The following ALG10B variants were observed in gnomAD, a reference collection of about 807,000 sequenced individuals.
ALG10B encodes dol-P-Glc:Glc(2)Man(9)GlcNAc(2)-PP-Dol alpha-1,2-glucosyltransferase B.
Under a neutral mutation model 38.7 loss-of-function variants are expected in ALG10B, and 27 were observed. The ratio of observed to expected loss-of-function variants is 0.70; its 90% CI spans 0.51 to 0.96. ALG10B has a LOEUF of 0.96. Among genes scored for constraint, ALG10B ranks in the 40% least tolerant of loss-of-function variants. The pLI, the probability that ALG10B is intolerant of heterozygous loss-of-function variation, is 0.00. For synonymous variants in ALG10B, 177 were observed against 193.3 expected, an observed-to-expected ratio of 0.92 and a Z score of 0.70; for missense variants, 522 against 542.7, an observed-to-expected ratio of 0.96 and a Z score of 0.38.
In ALG10B at chr12:38,320,159, A is replaced by G; in HGVS notation, c.370-2A>G. On this transcript the variant is annotated splice_acceptor_variant, in intron 2 of 2. Transcript: ENST00000308742. LOFTEE classifies it high-confidence loss of function. ...TGTATCTGTGTTTTTTCTTCCTCCA[A>G]GGCTGCCTCAAGTATCCAGAGAGTC... The G allele has an allele frequency of 6.2e-7, 1 of 1,613,930 alleles. No individual in the cohort carries two copies. The highest frequency in any genetic ancestry group is 2.2e-5 in the East Asian group (1 of 44,860).
Position 38,324,166 on chromosome 12 carries a change from G to A in ALG10B, c.*2953G>A. 2.2e-6 allele frequency: 1 copy of A among 454,712 alleles called. No individual in the cohort carries two copies. 28.2% of individuals were successfully genotyped at this position (454,712 alleles called of 1,614,324 possible). ...TCCTGCCTCAGCCTCCCGAGTAGCTGAGATTATAGGCGCCCACCACCAAGC... is the reference window on the plus strand; with the variant it reads ...TCCTGCCTCAGCCTCCCGAGTAGCTAAGATTATAGGCGCCCACCACCAAGC... On this transcript the variant is annotated 3_prime_UTR_variant, in exon 3 of 3. Transcript: ENST00000308742.
rs2120515314 is a variant in ALG10B at position 38,325,904 on chromosome 12, C to G, written c.*4691C>G. The G allele has an allele frequency of 6.6e-6, 1 of 152,158 alleles. No individual in the cohort carries two copies. The highest frequency in any genetic ancestry group is 1.9e-4 in the East Asian group (1 of 5,180). The allele number at this position is 152,158 out of a possible 1,614,324, so 9.4% of individuals were successfully genotyped here. On this transcript the variant is annotated 3_prime_UTR_variant, in exon 3 of 3. Coordinates refer to ENST00000308742, the MANE Select transcript of ALG10B (RefSeq NM_001013620.4). ...ATGATAAATATTGAGTAAATATATA[C>G]TGAATGAAGTTTTTAGTATAGAGTG...
rs879004334 is a variant in ALG10B at position 38,316,842 on chromosome 12, G to C, written c.-52G>C. On this transcript the variant is annotated 5_prime_UTR_variant, in exon 1 of 3. Transcript: ENST00000308742. Reference sequence around the variant, plus strand: ...CCCAAGTTTCCAGCTCGGGTTTCCGGGCTCAGAATTTTCCAGGAGTGGGTT... The same window carrying C: ...CCCAAGTTTCCAGCTCGGGTTTCCGCGCTCAGAATTTTCCAGGAGTGGGTT... 7.4e-5 allele frequency: 119 copies of C among 1,613,620 alleles called. 1 individual carries two copies. The South Asian group carries it at 7.5e-4, about 10-fold the overall frequency.
At position 38,329,122 on chromosome 12, in the gene ALG10B, G is replaced by C. The variant is rs1034133038; in HGVS notation, c.*7909G>C. 2.5e-6 allele frequency: 1 copy of C among 397,984 alleles called. No homozygotes were observed. 24.7% of individuals were successfully genotyped at this position (397,984 alleles called of 1,614,324 possible). On this transcript the variant is annotated 3_prime_UTR_variant, in exon 3 of 3. Transcript: ENST00000308742. The stretch of plus-strand genomic sequence containing the variant: ...ATTTTAGAAGGAAAAATTGTCGCAA[G>C]TAATGTGATTATACTTCCTAGTTTT...
chr12:38,318,281 A>T lies in ALG10B; in HGVS notation c.192A>T (p.Thr64=). ...TAAAGTGGGATCCCATGATTACTAC[A>T]TTACCTGGCTTGTACCTGGTGTCAG... The part of the protein sequence containing the change: ...SLSQWDPMIT[T]LPGLYLVSVG... Residue 64 remains threonine, a synonymous_variant, in exon 2 of 3, where the codon ACA becomes ACT. Coordinates refer to ENST00000308742, the MANE Select transcript of ALG10B (RefSeq NM_001013620.4). 1 of 1,614,044 alleles carries T rather than the reference A, an allele frequency of 6.2e-7. No homozygotes were observed. The highest frequency in any genetic ancestry group is 1.3e-5 in the African/African-American group (1 of 75,024).
chr12:38,329,464 A>T lies in ALG10B; in HGVS notation c.*8251A>T. ...AAGCAAATTGTTGGTTTAACAGGACATACTTTAGATATTTGAAAAATTCTC... is the reference window on the plus strand; with the variant it reads ...AAGCAAATTGTTGGTTTAACAGGACTTACTTTAGATATTTGAAAAATTCTC... On this transcript the variant is annotated 3_prime_UTR_variant, in exon 3 of 3. Coordinates refer to ENST00000308742, the MANE Select transcript of ALG10B (RefSeq NM_001013620.4). 2.9e-6 allele frequency: 1 copy of T among 343,014 alleles called. No individual in the cohort carries two copies. The highest frequency in any genetic ancestry group is 5.1e-6 in the Non-Finnish European group (1 of 197,610). 21.2% of individuals were successfully genotyped at this position (343,014 alleles called of 1,614,324 possible). A position where few individuals can be genotyped will look rare whatever the true frequency, so the allele number is the denominator to read the frequency against.
chr12:38,318,133 A>T (rs1945672151), intron 1 of ALG10B, 128 bp from the exon 2 acceptor site: 2 of 1,235,698 alleles, frequency 1.6e-6, no homozygotes, highest in Admixed American at 1.7e-5. Context: ...GGACTTACTT[A>T]ATCTTGTCAT....
chr12:38,323,004 T>G lies in ALG10B; in HGVS notation c.*1791T>G, dbSNP rs1945715851. 6.6e-6 allele frequency: 1 copy of G among 152,160 alleles called. No individual in the cohort carries two copies. The highest frequency in any genetic ancestry group is 2.4e-5 in the African/African-American group (1 of 41,434). 9.4% of individuals were successfully genotyped at this position (152,160 alleles called of 1,614,324 possible). On this transcript the variant is annotated 3_prime_UTR_variant, in exon 3 of 3. Transcript: ENST00000308742. ...TATATGCCACATTTTCTTTATCCAT[T>G]CATCCATGGATGGACACTTAGGTTG... is the stretch of plus-strand genomic sequence containing the variant.
chr12:38,325,149 G>A lies in ALG10B; in HGVS notation c.*3936G>A, dbSNP rs1448167961. On this transcript the variant is annotated 3_prime_UTR_variant, in exon 3 of 3. Transcript: ENST00000308742. ...GATAGTCAGGAATCTTTTGAACTGCGTCTATGTATTTAAATGATTTGGAAA... is the reference window on the plus strand; with the variant it reads ...GATAGTCAGGAATCTTTTGAACTGCATCTATGTATTTAAATGATTTGGAAA... 3 of 152,076 alleles carry A rather than the reference G, an allele frequency of 2.0e-5. No individual in the cohort carries two copies. Among genetic ancestry groups the A allele is most frequent in the East Asian group, 1.9e-4 (1 of 5,198 alleles). The allele number at this position is 152,076 out of a possible 1,614,324, so 9.4% of individuals were successfully genotyped here. A position where few individuals can be genotyped will look rare whatever the true frequency, so the allele number is the denominator to read the frequency against.
chr12:38,320,686 C>G lies in ALG10B; in HGVS notation c.895C>G (p.Leu299Val), dbSNP rs764755710. Reference sequence around the variant, plus strand: ...ACTATTCTACTTTTTTTCATTTACTCTCTTTTTTTCTTTTCCTCATCTCCT... The same window carrying G: ...ACTATTCTACTTTTTTTCATTTACTGTCTTTTTTTCTTTTCCTCATCTCCT... Reference protein sequence around the residue: ...PQLFYFFSFTLFFSFPHLLSP... With the variant: ...PQLFYFFSFTVFFSFPHLLSP... The change falls in exon 3 of 3, where the codon CTC becomes GTC. Residue 299 changes from leucine (L) to valine (V), a missense_variant. Transcript: ENST00000308742. The G allele has an allele frequency of 6.2e-7, 1 of 1,613,626 alleles. No individual in the cohort carries two copies. Among genetic ancestry groups the G allele is most frequent in the Non-Finnish European group, 8.5e-7 (1 of 1,179,938 alleles).
chr12:38,318,645 G>C (rs1426547031), intron 2 of ALG10B, among the ~76,000 whole-genome samples, 187 bp downstream of exon 2: 1 of 152,144 alleles, frequency 6.6e-6, no homozygotes, highest in African/African-American at 2.4e-5. Context: ...TTAAATACTT[G>C]AATAACTTAT....
chr12:38,322,730 A>T lies in ALG10B; in HGVS notation c.*1517A>T, dbSNP rs1212674523. On this transcript the variant is annotated 3_prime_UTR_variant, in exon 3 of 3. Transcript: ENST00000308742. ...AAGTCAAACATATTCCTTCTATCTA[A>T]TTGAGGCTTTGTATCTTTTGATTGT... The T allele has an allele frequency of 6.6e-6, 1 of 152,132 alleles. No individual in the cohort carries two copies. Among genetic ancestry groups the T allele is most frequent in the Non-Finnish European group, 1.5e-5 (1 of 68,008 alleles). 9.4% of individuals were successfully genotyped at this position (152,132 alleles called of 1,614,324 possible).
chr12:38,320,932 G>T lies in ALG10B; in HGVS notation c.1141G>T (p.Gly381Cys), dbSNP rs768119321. 7 of 1,613,606 alleles carry T rather than the reference G, an allele frequency of 4.3e-6. No homozygotes were observed. Among genetic ancestry groups the T allele is most frequent in the Non-Finnish European group, 5.9e-6 (7 of 1,179,876 alleles). ...YLLVPAYIFA[G>C]WSIADSLKSK... The stretch of plus-strand genomic sequence containing the variant: ...GTTAGTTCCAGCCTATATATTTGCT[G>T]GTTGGAGTATAGCTGACTCATTGAA... Residue 381 changes from glycine to cysteine, a missense_variant, in exon 3 of 3, where the codon GGT becomes TGT. Coordinates refer to ENST00000308742, the MANE Select transcript of ALG10B (RefSeq NM_001013620.4).
intron 2 of ALG10B, among the ~76,000 whole-genome samples, chr12:38,319,942 A>G (rs1346898275): frequency 1.3e-5 from 2 of 152,326 alleles, no homozygotes; most frequent in South Asian, 4.1e-4. Flanking sequence ...TGGCATACAC[A>G]CGGTCTCCAA....
rs1313065503 is a variant in ALG10B at position 38,317,007 on chromosome 12, G to T, written c.114G>T (p.Glu38Asp). The T allele has an allele frequency of 3.7e-6, 6 of 1,614,086 alleles. No individual in the cohort carries two copies. Among genetic ancestry groups the T allele is most frequent in the Non-Finnish European group, 5.1e-6 (6 of 1,180,010 alleles). The change falls in exon 1 of 3, where the codon GAG becomes GAT. Residue 38 changes from glutamate to aspartate, a missense_variant. Glu to Asp is a conservative substitution (Grantham distance 45, BLOSUM62 2). Coordinates refer to ENST00000308742, the MANE Select transcript of ALG10B (RefSeq NM_001013620.4). Reference sequence around the variant, plus strand: ...CGCTGCGAGAGCCCTACATGGACGAGATCTTCCACCTGCCTCAGGCGCAGC... The same window carrying T: ...CGCTGCGAGAGCCCTACATGGACGATATCTTCCACCTGCCTCAGGCGCAGC... ...SRALREPYMDEIFHLPQAQRY... is the reference protein window; with the variant it reads ...SRALREPYMDDIFHLPQAQRY...
rs1945689198 is a variant in ALG10B, at chr12:38,320,235, C to T, written c.444C>T (p.Phe148=). The part of the protein sequence containing the change: ...AVFPTLYFFN[F]LYYTEAGSMF... ...TTCCAACACTTTATTTTTTTAACTTCCTTTATTATACAGAAGCAGGATCTA... is the reference window on the plus strand; with the variant it reads ...TTCCAACACTTTATTTTTTTAACTTTCTTTATTATACAGAAGCAGGATCTA... Residue 148 remains phenylalanine (F), a synonymous_variant, in exon 3 of 3, where the codon TTC becomes TTT. Coordinates refer to ENST00000308742, the MANE Select transcript of ALG10B (RefSeq NM_001013620.4). The T allele has an allele frequency of 6.2e-7, 1 of 1,613,886 alleles. No individual in the cohort carries two copies. The highest frequency in any genetic ancestry group is 1.3e-5 in the African/African-American group (1 of 75,002).
In ALG10B at chr12:38,316,937, G is replaced by T. The variant is rs1161940464; in HGVS notation, c.44G>T (p.Cys15Phe). 10 of 1,614,200 alleles carry T rather than the reference G, an allele frequency of 6.2e-6. No individual in the cohort carries two copies. The highest frequency in any genetic ancestry group is 8.5e-6 in the Non-Finnish European group (10 of 1,180,044). The change falls in exon 1 of 3, where the codon TGT becomes TTT. Residue 15 changes from cysteine (C) to phenylalanine (F), a missense_variant. Transcript: ENST00000308742. ...EGYCFSAALSCTFLVSCLLFS... is the reference protein window; with the variant it reads ...EGYCFSAALSFTFLVSCLLFS... ...TACTGTTTCTCGGCCGCCTTGAGCT[G>T]TACCTTTTTAGTGTCCTGCCTCCTC...
Position 38,321,048 on chromosome 12 carries a change from T to C in ALG10B, c.1257T>C (p.Ile419=). ...PQKLLEFRYF[I]LPYVIYRLNI... is the part of the protein sequence containing the mutation. ...AACTGCTGGAATTTCGTTACTTCAT[T>C]TTACCTTATGTCATTTATAGGCTTA... is the stretch of plus-strand genomic sequence containing the variant. Residue 419 remains isoleucine, a synonymous_variant, in exon 3 of 3, where the codon ATT becomes ATC. Coordinates refer to ENST00000308742, the MANE Select transcript of ALG10B (RefSeq NM_001013620.4). 2 of 1,613,676 alleles carry C rather than the reference T, an allele frequency of 1.2e-6. No individual in the cohort carries two copies. The highest frequency in any genetic ancestry group is 8.5e-7 in the Non-Finnish European group (1 of 1,179,782).
intron 2 of ALG10B, 142 bp from the exon 3 acceptor site, chr12:38,320,019 C>T: frequency 9.0e-7 from 1 of 1,106,528 alleles, no homozygotes; most frequent in Non-Finnish European, 1.3e-6. Flanking sequence ...TTTTGCAAAG[C>T]CAGAGATAAG....
Sources: allele counts gnomAD v4.1 joint callset (sites outside exome capture counted in the v4.1 genomes callset), GRCh38; gene constraint gnomAD v4.1.1; transcripts MANE v1.5; gene names NCBI Gene and HGNC (gene_info 2026-07-23, HGNC 2026-07-21).